Variants in GLI3 observed in about 807,000 individuals in gnomAD.
GLI3 encodes GLI family zinc finger 3, also known as transcription activator GLI3.
GLI3 carries 20 observed loss-of-function variants against 100.8 expected under a neutral mutation model. The ratio of observed to expected loss-of-function variants is 0.20; its 90% CI spans 0.14 to 0.29. The LOEUF (loss-of-function observed/expected upper bound fraction) is 0.29, where lower values mean the gene tolerates loss of function less well. Ranked by LOEUF, GLI3 falls within the 10% of genes least tolerant of loss-of-function variation. The pLI is 1.00. For missense variants in GLI3, 2,040 were observed against 2,128.5 expected, an observed-to-expected ratio of 0.96 and a Z score of 0.82; for synonymous variants, 938 against 860.5, an observed-to-expected ratio of 1.09 and a Z score of -1.58.
chr7:42,203,643 C>A (rs534049351), intron 2 of GLI3, among the ~76,000 whole-genome samples: 1 of 152,160 alleles, frequency 6.6e-6, no homozygotes, highest in Non-Finnish European at 1.5e-5. Context: ...TGGGTTGATT[C>A]TGTATCTTGC....
intron 1 of GLI3, among the ~76,000 whole-genome samples, chr7:42,229,246 CTTT>C (rs1157434532): frequency 6.6e-6 from 1 of 152,116 alleles, no homozygotes; most frequent in Non-Finnish European, 1.5e-5. Context: ...ACTCTCTTCT[CTTT>C]TTTTTCTTAG....
At chr7:42,254,657 A>G (rs1452069339) in intron 1 of GLI3, among the ~76,000 whole-genome samples, 1 of 152,202 alleles carries the variant, frequency 6.6e-6, no homozygotes, top group Non-Finnish European at 1.5e-5. Flanking sequence ...ATATAATTCA[A>G]TAATTTCTCA....
chr7:42,121,449 C>A (rs1460117053), intron 3 of GLI3, among the ~76,000 whole-genome samples: 2 of 152,166 alleles, frequency 1.3e-5, no homozygotes, highest in Non-Finnish European at 2.9e-5. Context: ...ACCTACTGCC[C>A]CTGCCCCCAA....
At chr7:41,988,277 C>T (rs142591478) in intron 10 of GLI3, among the ~76,000 whole-genome samples, 9 of 152,136 alleles carry the variant, frequency 5.9e-5, no homozygotes, top group Admixed American at 2.0e-4. Context: ...GCCTGGCCAA[C>T]GTGGTGAAAC....
rs1035936832 is a variant in GLI3 at position 42,045,540 on chromosome 7, G to T, written c.680-10C>A. 2 of 1,613,588 alleles carry T rather than the reference G, an allele frequency of 1.2e-6. No individual in the cohort carries two copies. Among genetic ancestry groups the T allele is most frequent in the East Asian group, 4.5e-5 (2 of 44,858 alleles). On this transcript the variant is annotated splice_polypyrimidine_tract_variant and intron_variant, in intron 5 of 14. Coordinates refer to ENST00000395925, the MANE Select transcript of GLI3 (RefSeq NM_000168.6). ...ACTCCTGCATGGGGCGCTAGGAGGA[G>T]ACAAGAGATGTATGGTTACTAGCGA...
chr7:42,039,234 A>C (rs955531465), intron 7 of GLI3, among the ~76,000 whole-genome samples: 2 of 152,184 alleles, frequency 1.3e-5, no homozygotes, highest in African/African-American at 4.8e-5. Flanking sequence ...CCTAAAATTC[A>C]TATGTTGGCT....
Position 42,148,258 on chromosome 7 carries a change from T to A in GLI3, c.335A>T (p.Asp112Val). Reference protein sequence around the residue: ...VPYRGTVFAMDPRNGYMEPHY... With the variant: ...VPYRGTVFAMVPRNGYMEPHY... ...GGGCTCCATGTAACCATTCCTGGGG[T>A]CCATGGCAAACACCGTCCCGCGGTA... The change falls in exon 3 of 15, where the codon GAC becomes GTC. Residue 112 changes from aspartate to valine, a missense_variant. Physicochemically the swap from Asp to Val is radical, Grantham distance 152. Around this residue, in one of 5 missense-constraint regions of GLI3, gnomAD observed 603 missense variants for 690.9 expected, o/e 0.87. Coordinates refer to ENST00000395925, the MANE Select transcript of GLI3 (RefSeq NM_000168.6). The A allele has an allele frequency of 6.2e-7, 1 of 1,611,830 alleles. No individual in the cohort carries two copies. Among genetic ancestry groups the A allele is most frequent in the Non-Finnish European group, 8.5e-7 (1 of 1,179,172 alleles).
At chr7:42,027,342 C>A (rs1056077866) in intron 7 of GLI3, among the ~76,000 whole-genome samples, 1 of 151,960 alleles carries the variant, frequency 6.6e-6, no homozygotes, top group Non-Finnish European at 1.5e-5. Flanking sequence ...ATGGAAATTT[C>A]TTTTTAAAAA....
intron 2 of GLI3, among the ~76,000 whole-genome samples, chr7:42,193,008 A>G (rs62443811): frequency 0.14 from 22,058 of 152,198 alleles, 2,088 homozygotes; most frequent in Non-Finnish European, 0.22. Flanking sequence ...ACTGCAATCC[A>G]GGGCTTTGAT....
At chr7:42,256,800 G>A (rs780670363) in intron 1 of GLI3, among the ~76,000 whole-genome samples, 1 of 152,032 alleles carries the variant, frequency 6.6e-6, no homozygotes, top group Non-Finnish European at 1.5e-5. Context: ...TAATCAGTTT[G>A]CTAATGTCTA....
chr7:42,061,805 T>C (rs1784574215), intron 4 of GLI3, among the ~76,000 whole-genome samples: 1 of 152,182 alleles, frequency 6.6e-6, no homozygotes, highest in Non-Finnish European at 1.5e-5. Flanking sequence ...TCTATATTAT[T>C]CAACAGAAAA....
At chr7:42,145,420 T>C (rs2128784957) in intron 3 of GLI3, 1 of 397,298 alleles carries the variant, frequency 2.5e-6, no homozygotes, top group East Asian at 3.6e-5. Context: ...TTAAAATCTT[T>C]ACAATTTCTT....
intron 2 of GLI3, among the ~76,000 whole-genome samples, chr7:42,201,473 A>G (rs1304089251): frequency 6.6e-6 from 1 of 152,196 alleles, no homozygotes; most frequent in Non-Finnish European, 1.5e-5. Flanking sequence ...ATGATATAGA[A>G]TAGCCCTCAC....
In GLI3 at chr7:41,966,336, C is replaced by T. The variant is rs1305603243; in HGVS notation, c.2737G>A (p.Asp913Asn). 2.5e-6 allele frequency: 4 copies of T among 1,607,734 alleles called. No homozygotes were observed. In the South Asian group the frequency reaches 4.4e-5, roughly 18 times the overall value. Residue 913 changes from aspartate (D) to asparagine (N), a missense_variant, in exon 15 of 15, where the codon GAC (aspartate) becomes AAC (asparagine). Asp to Asn is a conservative substitution (Grantham distance 23). Coordinates refer to ENST00000395925, the MANE Select transcript of GLI3 (RefSeq NM_000168.6). The surrounding 1 kb of genome is among the most constrained non-coding windows in gnomAD (Gnocchi z 5.8). The part of the protein sequence containing the change: ...SRRSSEASQS[D>N]GLPSLLSLTP... ...AGGCTGAGCAGGCTGGGCAGGCCGTCGCTCTGGCTGGCTTCGCTGGAGCGG... is the reference window on the plus strand; with the variant it reads ...AGGCTGAGCAGGCTGGGCAGGCCGTTGCTCTGGCTGGCTTCGCTGGAGCGG...
chr7:41,995,748 G>T (rs1358506275), intron 10 of GLI3, among the ~76,000 whole-genome samples: 5 of 151,988 alleles, frequency 3.3e-5, no homozygotes. Context: ...TAAATGAGAT[G>T]AAGAAAAGAA....
chr7:41,983,191 G>T (rs575357559), intron 10 of GLI3, among the ~76,000 whole-genome samples: 1 of 152,118 alleles, frequency 6.6e-6, no homozygotes, highest in African/African-American at 2.4e-5. Context: ...TTTCCTTCTC[G>T]TACTAACATC....
intron 3 of GLI3, 141 bp downstream of exon 3, chr7:42,148,085 G>C (rs900286875): frequency 1.2e-6 from 1 of 855,620 alleles, no homozygotes; most frequent in Non-Finnish European, 1.7e-6. Context: ...AAAGTGGAAA[G>C]AAAATTACAC....
intron 3 of GLI3, among the ~76,000 whole-genome samples, chr7:42,136,768 T>C (rs188831263): frequency 6.6e-6 from 1 of 152,154 alleles, no homozygotes; most frequent in Non-Finnish European, 1.5e-5. Flanking sequence ...GAAGTGGCAT[T>C]TGGCCTGCCT....
intron 1 of GLI3, among the ~76,000 whole-genome samples, chr7:42,235,649 A>C (rs1430487359): frequency 6.6e-6 from 1 of 152,130 alleles, no homozygotes; most frequent in Non-Finnish European, 1.5e-5. Flanking sequence ...AAGAGGGAGG[A>C]GAGGAAAAGG....
Sources: allele counts gnomAD v4.1 joint callset (sites outside exome capture counted in the v4.1 genomes callset), GRCh38; gene constraint gnomAD v4.1.1; regional missense constraint gnomAD v4.1.1; non-coding constraint Gnocchi (gnomAD v3.1); transcripts MANE v1.5; gene names NCBI Gene and HGNC (gene_info 2026-07-23, HGNC 2026-07-21).